Variants in PCMTD1 observed in about 807,000 individuals in gnomAD.
PCMTD1 encodes the protein protein-L-isoaspartate (D-aspartate) O-methyltransferase domain containing 1.
Under a neutral mutation model 37.6 loss-of-function variants are expected in PCMTD1, and 12 were observed. That is an observed-to-expected ratio of 0.32 (90% confidence interval 0.20 to 0.52). The LOEUF (loss-of-function observed/expected upper bound fraction) is 0.52, where lower values mean the gene tolerates loss of function less well. Ranked by LOEUF, PCMTD1 falls within the 20% of genes least tolerant of loss-of-function variation. The pLI is 0.97. For synonymous variants in PCMTD1, 117 were observed against 135.8 expected, an observed-to-expected ratio of 0.86 and a Z score of 0.96; for missense variants, 235 against 421.3, an observed-to-expected ratio of 0.56 and a Z score of 3.87.
chr8:51,898,742 A>G (rs1447068329), intron 1 of PCMTD1, among the ~76,000 whole-genome samples, 188 bp downstream of exon 1: 1 of 131,534 alleles, frequency 7.6e-6, no homozygotes, highest in Non-Finnish European at 1.7e-5. Context: ...CCTTCCCCCA[A>G]CCTGCCCCGC....
Position 51,819,009 on chromosome 8 carries a change from C to T in PCMTD1, c.*1342G>A, listed in dbSNP as rs561050371. The T allele has an allele frequency of 3.0e-5, 4 of 132,802 alleles. No homozygotes were observed. Among genetic ancestry groups the T allele is most frequent in the South Asian group, 2.1e-4 (1 of 4,696 alleles). The allele number at this position is 132,802 out of a possible 1,614,324, so 8.2% of individuals were successfully genotyped here. The stretch of plus-strand genomic sequence containing the variant: ...ACTCTAGCAAATATGTTACATTGTA[C>T]ACTTTCTTAACAAGGAATGGCTGTT... On this transcript the variant is annotated 3_prime_UTR_variant, in exon 6 of 6. Transcript: ENST00000522514.
At chr8:51,852,176 T>G (rs546751573) in intron 2 of PCMTD1, among the ~76,000 whole-genome samples, 2 of 152,154 alleles carry the variant, frequency 1.3e-5, no homozygotes, top group Non-Finnish European at 2.9e-5. Flanking sequence ...ATTTCAAGGG[T>G]AGGAGATGTG....
intron 5 of PCMTD1, among the ~76,000 whole-genome samples, chr8:51,829,583 A>AGGC (rs2129275030): frequency 6.6e-6 from 1 of 152,176 alleles, no homozygotes; most frequent in African/African-American, 2.4e-5. Context: ...TGCCTAATGT[A>AGGC]AGGGTTGTGA....
chr8:51,873,603 T>C (rs1410630002), intron 1 of PCMTD1, among the ~76,000 whole-genome samples: 2 of 152,116 alleles, frequency 1.3e-5, no homozygotes, highest in Non-Finnish European at 2.9e-5. Context: ...TTGCAGGCAG[T>C]GATTGGATCG....
At chr8:51,824,921 C>T (rs1167005074) in intron 5 of PCMTD1, among the ~76,000 whole-genome samples, 4 of 152,094 alleles carry the variant, frequency 2.6e-5, no homozygotes. Context: ...TTTGACAAAC[C>T]TGACAAAAAC....
intron 4 of PCMTD1, among the ~76,000 whole-genome samples, chr8:51,833,101 G>T (rs544975721): frequency 6.6e-6 from 1 of 152,102 alleles, no homozygotes; most frequent in Non-Finnish European, 1.5e-5. Flanking sequence ...TGCCTCAGCC[G>T]CCCAAAGCGC....
intron 1 of PCMTD1, among the ~76,000 whole-genome samples, chr8:51,896,967 T>C (rs550911709): frequency 4.6e-5 from 7 of 152,070 alleles, no homozygotes; most frequent in African/African-American, 1.7e-4. Flanking sequence ...GAGAAGAATG[T>C]CATTTATGTT....
chr8:51,878,572 C>A (rs963165473), intron 1 of PCMTD1, among the ~76,000 whole-genome samples: 1 of 151,652 alleles, frequency 6.6e-6, no homozygotes. Flanking sequence ...CATAGTGAGA[C>A]CCTCATCTCT....
intron 2 of PCMTD1, among the ~76,000 whole-genome samples, chr8:51,850,425 T>C (rs2038288510): frequency 6.6e-6 from 1 of 152,174 alleles, no homozygotes; most frequent in African/African-American, 2.4e-5. Context: ...TTTAATTTGA[T>C]TTAAACTGTA....
At chr8:51,877,483 A>C (rs2038729339) in intron 1 of PCMTD1, among the ~76,000 whole-genome samples, 1 of 152,242 alleles carries the variant, frequency 6.6e-6, no homozygotes, top group Non-Finnish European at 1.5e-5. Context: ...ATTTAGGCTA[A>C]ATTGTGGGAG....
intron 5 of PCMTD1, among the ~76,000 whole-genome samples, chr8:51,829,930 C>G (rs990593949): frequency 2.0e-5 from 3 of 152,050 alleles, no homozygotes; most frequent in Non-Finnish European, 4.4e-5. Context: ...AAAAGGCAAA[C>G]TAAGTCAAGA....
At chr8:51,890,299 G>A (rs1293433924) in intron 1 of PCMTD1, among the ~76,000 whole-genome samples, 1 of 152,100 alleles carries the variant, frequency 6.6e-6, no homozygotes, top group African/African-American at 2.4e-5. Context: ...TACAATGCCT[G>A]GTAAATCAGT....
intron 4 of PCMTD1, among the ~76,000 whole-genome samples, chr8:51,832,311 C>T (rs767254650): frequency 2.0e-5 from 3 of 151,962 alleles, no homozygotes; most frequent in Non-Finnish European, 1.5e-5. Context: ...GAGTTTAAGC[C>T]CTGGAAGCAT....
intron 3 of PCMTD1, among the ~76,000 whole-genome samples, chr8:51,841,755 G>A (rs1009717641): frequency 9.2e-5 from 14 of 152,228 alleles, no homozygotes; most frequent in Admixed American, 3.3e-4. Flanking sequence ...TCAAAAGCCA[G>A]ATATCTAAAG....
At chr8:51,833,710 T>C (rs1234308049) in intron 3 of PCMTD1, 21 bp from the exon 4 acceptor site, 1 of 1,594,230 alleles carries the variant, frequency 6.3e-7, no homozygotes, top group African/African-American at 1.3e-5. Flanking sequence ...AAACAAACAT[T>C]TTAATTCAAT....
chr8:51,866,864 G>GA (rs2038562735), intron 1 of PCMTD1, among the ~76,000 whole-genome samples: 1 of 151,660 alleles, frequency 6.6e-6, no homozygotes, highest in Non-Finnish European at 1.5e-5. Context: ...AACATATATT[G>GA]AAAAAACAAA....
chr8:51,835,283 T>C (rs1563339123), intron 3 of PCMTD1, among the ~76,000 whole-genome samples: 2 of 152,226 alleles, frequency 1.3e-5, no homozygotes, highest in Non-Finnish European at 2.9e-5. Flanking sequence ...CTTCAAGATA[T>C]AGTTGAAATA....
chr8:51,829,710 C>T lies in PCMTD1; in HGVS notation c.706+1734G>A, dbSNP rs568519619. On this transcript the variant is annotated intron_variant, in intron 5 of 5. Coordinates refer to ENST00000522514, the MANE Select transcript of PCMTD1 (RefSeq NM_052937.4). ...GCTTGAGCCCAGGAGGTGGAGATTG[C>T]AGTGAGCCGAGATCGTGCCACTGCA... 3.3e-5 allele frequency among the ~76,000 whole-genome samples: 5 copies of T among 152,178 alleles called. No individual in the cohort carries two copies. In the East Asian group the frequency reaches 9.7e-4, roughly 29 times the overall value.
chr8:51,848,367 T>G (rs950648738), intron 2 of PCMTD1, among the ~76,000 whole-genome samples: 2 of 151,998 alleles, frequency 1.3e-5, no homozygotes, highest in African/African-American at 4.8e-5. Flanking sequence ...CAGGGCTGCA[T>G]AGATACGAGA....
Sources: allele counts gnomAD v4.1 joint callset (sites outside exome capture counted in the v4.1 genomes callset), GRCh38; gene constraint gnomAD v4.1.1; transcripts MANE v1.5; gene names NCBI Gene and HGNC (gene_info 2026-07-23, HGNC 2026-07-21).